Variants in WWP2 observed in about 807,000 individuals in gnomAD.
The protein encoded by WWP2 is WW domain containing E3 ubiquitin protein ligase 2.
A neutral mutation model predicts 121.0 loss-of-function variants in WWP2; 57 were observed. That is an observed-to-expected ratio of 0.47 (90% CI 0.38 to 0.59). The LOEUF is 0.59. Ranked by LOEUF, WWP2 falls within the 20% of genes least tolerant of loss-of-function variation. The pLI, the probability that WWP2 is intolerant of heterozygous loss-of-function variation, is 0.00. For synonymous variants in WWP2, 449 were observed against 441.3 expected (o/e 1.02, Z -0.22); for missense variants, 962 against 1,158.9 (o/e 0.83, Z 2.47).
chr16:69,933,394 G>T (rs1567443334), intron 16 of WWP2, among the ~76,000 whole-genome samples: 1 of 152,114 alleles, frequency 6.6e-6, no homozygotes, highest in Non-Finnish European at 1.5e-5. Context: ...GTGAAGGGAG[G>T]GCAAAGTGCA....
At chr16:69,782,593 A>G (rs1465361803) in intron 1 of WWP2, among the ~76,000 whole-genome samples, 1 of 152,156 alleles carries the variant, frequency 6.6e-6, no homozygotes, top group African/African-American at 2.4e-5. Flanking sequence ...TGATAAGAAG[A>G]GTTTGGTGTT....
chr16:69,825,693 A>C (rs1225699058), intron 4 of WWP2, among the ~76,000 whole-genome samples: 1 of 147,830 alleles, frequency 6.8e-6, no homozygotes, highest in Non-Finnish European at 1.5e-5. Context: ...TGGTGCGATC[A>C]CAGCTCACTG....
At chr16:69,810,469 A>G (rs1352346617) in intron 4 of WWP2, among the ~76,000 whole-genome samples, 3 of 143,930 alleles carry the variant, frequency 2.1e-5, no homozygotes, top group African/African-American at 7.9e-5. Context: ...TCTGTCCCCC[A>G]GGGACATGAG....
At chr16:69,936,157 T>C (rs1291415752) in intron 18 of WWP2, among the ~76,000 whole-genome samples, 155 bp from the exon 19 acceptor site, 1 of 152,140 alleles carries the variant, frequency 6.6e-6, no homozygotes, top group East Asian at 1.9e-4. Flanking sequence ...GGGACAGTTC[T>C]AGAACCTTCT....
intron 4 of WWP2, among the ~76,000 whole-genome samples, chr16:69,824,954 A>G (rs559581003): frequency 1.9e-4 from 29 of 152,036 alleles, no homozygotes; most frequent in Non-Finnish European, 2.6e-4. Context: ...TATTTTTGGT[A>G]GAGATGGGGT....
chr16:69,881,753 A>G (rs546499621), intron 7 of WWP2, among the ~76,000 whole-genome samples: 10 of 152,312 alleles, frequency 6.6e-5, no homozygotes, highest in South Asian at 2.1e-4. Context: ...GTGCAATGGC[A>G]TGCTCTCAGC....
intron 11 of WWP2, chr16:69,926,116 C>T (rs1227278592): frequency 6.6e-6 from 1 of 152,142 alleles, no homozygotes; most frequent in African/African-American, 2.4e-5. Context: ...TATCCCAAGT[C>T]CTTGATGTGA....
At chr16:69,820,668 C>CT (rs1256164170) in intron 4 of WWP2, among the ~76,000 whole-genome samples, 2 of 132,516 alleles carry the variant, frequency 1.5e-5, no homozygotes, top group South Asian at 2.9e-4. Flanking sequence ...GCTTTATTTT[C>CT]TTGTAAGCGG....
intron 4 of WWP2, among the ~76,000 whole-genome samples, chr16:69,828,679 T>G (rs2056745269): frequency 6.6e-6 from 1 of 152,216 alleles, no homozygotes; most frequent in African/African-American, 2.4e-5. Context: ...TTTTATATTT[T>G]TAGTAGAAAT....
intron 2 of WWP2, among the ~76,000 whole-genome samples, chr16:69,797,621 G>T (rs1430709287): frequency 1.3e-5 from 2 of 152,078 alleles, no homozygotes; most frequent in Non-Finnish European, 2.9e-5. Flanking sequence ...AGGTGCGGTG[G>T]CTCACGCCTG....
At chr16:69,870,925 T>C (rs1038267364) in intron 6 of WWP2, among the ~76,000 whole-genome samples, 7 of 152,198 alleles carry the variant, frequency 4.6e-5, no homozygotes, top group African/African-American at 1.7e-4. Flanking sequence ...AATTCCACAC[T>C]TTTCTTTGTG....
intron 2 of WWP2, among the ~76,000 whole-genome samples, chr16:69,787,632 C>T (rs1185245285): frequency 5.3e-5 from 8 of 152,130 alleles, no homozygotes; most frequent in Non-Finnish European, 7.4e-5. Flanking sequence ...AAATGGTGAC[C>T]TGTTCATGCC....
At position 69,885,141 on chromosome 16, in the gene WWP2, ATTC is replaced by A. The variant is rs137870317; in HGVS notation, c.704-2889_704-2887del. Among the ~76,000 whole-genome samples the A allele has an allele frequency of 3.2e-4, 48 of 148,526 alleles. 1 individual carries two copies. The highest frequency in any genetic ancestry group is 4.9e-4 in the Non-Finnish European group (33 of 67,268). Reference sequence around the variant, plus strand: ...CACACACACACACACACACACACACATTCTTCTTCTTTAGAATGTTCATGGCTA... The same window carrying A: ...CACACACACACACACACACACACACATTCTTCTTTAGAATGTTCATGGCTA... On this transcript the variant is annotated intron_variant, in intron 7 of 23. Coordinates refer to ENST00000359154, the MANE Select transcript of WWP2 (RefSeq NM_001270454.2).
At chr16:69,885,600 A>G (rs2057909437) in intron 7 of WWP2, among the ~76,000 whole-genome samples, 1 of 152,218 alleles carries the variant, frequency 6.6e-6, no homozygotes, top group Admixed American at 6.5e-5. Context: ...GCTAAGAGTT[A>G]TTATAATCTT....
At chr16:69,926,161 G>A (rs2058636907) in intron 11 of WWP2, 2 of 152,204 alleles carry the variant, frequency 1.3e-5, no homozygotes, top group Admixed American at 6.5e-5. Flanking sequence ...GGACATCCAT[G>A]ACTTAGGAGA....
chr16:69,852,184 G>C (rs2057228570), intron 6 of WWP2, among the ~76,000 whole-genome samples: 1 of 152,086 alleles, frequency 6.6e-6, no homozygotes, highest in Admixed American at 6.6e-5. Flanking sequence ...CACCAGGTTT[G>C]ATGTAGTCCA....
chr16:69,789,922 G>C (rs1303300175), intron 2 of WWP2, among the ~76,000 whole-genome samples: 1 of 152,226 alleles, frequency 6.6e-6, no homozygotes, highest in Admixed American at 6.5e-5. Context: ...ATAGCCTGCT[G>C]TTGACTGAAA....
intron 8 of WWP2, among the ~76,000 whole-genome samples, chr16:69,908,355 T>C (rs1337931593): frequency 2.6e-5 from 4 of 152,150 alleles, no homozygotes; most frequent in African/African-American, 9.7e-5. Context: ...AACCCAGAAA[T>C]TGCAATACAA....
rs57674223 is a variant in WWP2 at position 69,868,661 on chromosome 16, GCACACA to G, written c.576-3116_576-3111del. Among the ~76,000 whole-genome samples, 1,413 of 149,304 alleles carry G rather than the reference GCACACA, an allele frequency of 9.5e-3. 7 individuals are homozygous for G. The highest frequency in any genetic ancestry group is 0.022 in the African/African-American group (900 of 40,834). On this transcript the variant is annotated intron_variant, in intron 6 of 23. Transcript: ENST00000359154. ...CTCTGCCCTCAACACATACACATGTGCACACACACACACACACACACACACACACAC... is the reference window on the plus strand; with the variant it reads ...CTCTGCCCTCAACACATACACATGTGCACACACACACACACACACACACAC...
Sources: gnomAD v4.1 joint callset for allele counts (sites outside exome capture counted in the v4.1 genomes callset) on GRCh38, gnomAD v4.1.1 for gene constraint, MANE v1.5 for transcripts, NCBI Gene and HGNC (gene_info 2026-07-23, HGNC 2026-07-21) for gene names.